PREPL: variants seen among roughly 807,000 people sequenced by gnomAD.
The protein encoded by PREPL is prolyl endopeptidase-like.
Under a neutral mutation model 70.6 loss-of-function variants are expected in PREPL, and 77 were observed. The observed-to-expected ratio is 1.09, with a 90% CI of 0.91 to 1.32. The LOEUF is 1.32. PREPL is among the 40% of genes most tolerant of loss of function. The probability of loss-of-function intolerance (pLI) is 0.00; values close to 1 mark genes in which losing one functional copy is unlikely to be tolerated. For missense variants in PREPL, 1,002 were observed against 778.2 expected (o/e 1.29, Z -3.42); for synonymous variants, 315 against 264.8 (o/e 1.19, Z -1.84).
At chr2:44,348,192 T>C (rs1676030937) in intron 1 of PREPL, among the ~76,000 whole-genome samples, 1 of 152,184 alleles carries the variant, frequency 6.6e-6, no homozygotes, top group African/African-American at 2.4e-5. Flanking sequence ...CCTCATTCCA[T>C]ACAGTTAATT....
chr2:44,352,512 T>A (rs527901697), intron 1 of PREPL, among the ~76,000 whole-genome samples: 9 of 152,176 alleles, frequency 5.9e-5, no homozygotes, highest in Non-Finnish European at 1.2e-4. Context: ...TGAGCCCACC[T>A]CAGCCTCCCA....
In PREPL at chr2:44,339,330, A is replaced by T. The variant is rs762490393; in HGVS notation, c.519T>A (p.Ser173Arg). 4.3e-6 allele frequency: 7 copies of T among 1,614,024 alleles called. No homozygotes were observed. The highest frequency in any genetic ancestry group is 5.9e-6 in the Non-Finnish European group (7 of 1,179,964). ...YFVFLYLTKD[S>R]RFLTINIMNK... is the part of the protein sequence containing the mutation. ...TCATAATATTTATGGTGAGGAAACG[A>T]CTGTCTTTTGTAAGATAAAGGAAAA... The change falls in exon 6 of 14, where the codon AGT becomes AGA. Residue 173 changes from serine (S) to arginine (R), a missense_variant. Coordinates refer to ENST00000409411, the MANE Select transcript of PREPL (RefSeq NM_001171613.2).
In PREPL at chr2:44,320,862, C is replaced by A. The variant is rs923958068; in HGVS notation, c.*494G>T. The A allele has an allele frequency of 8.9e-6, 5 of 559,968 alleles. No individual in the cohort carries two copies. The African/African-American group carries it at 9.4e-5, about 11-fold the overall frequency. 34.7% of individuals were successfully genotyped at this position (559,968 alleles called of 1,614,324 possible). A position where few individuals can be genotyped will look rare whatever the true frequency, so the allele number is the denominator to read the frequency against. On this transcript the variant is annotated 3_prime_UTR_variant, in exon 14 of 14. Transcript: ENST00000409411. ...GGAGCTTATAACTTTATTCAGATAG[C>A]ATCAATCAGGGATGACCAGAACACA...
At chr2:44,357,302 T>G (rs1272520802) in intron 1 of PREPL, among the ~76,000 whole-genome samples, 1 of 152,192 alleles carries the variant, frequency 6.6e-6, no homozygotes, top group Non-Finnish European at 1.5e-5. Flanking sequence ...TTTTTCTACT[T>G]TATTACACCC....
rs562644031 is a variant in PREPL, at chr2:44,343,960, A to G, written c.143-9T>C. On this transcript the variant is annotated splice_polypyrimidine_tract_variant and intron_variant, in intron 3 of 13. Coordinates refer to ENST00000409411, the MANE Select transcript of PREPL (RefSeq NM_001171613.2). ...ATAATTATCATTGTCTGCTGTATAAAGAAAAATACGAAAGTGATAACTTCA... is the reference window on the plus strand; with the variant it reads ...ATAATTATCATTGTCTGCTGTATAAGGAAAAATACGAAAGTGATAACTTCA... The G allele has an allele frequency of 1.2e-6, 2 of 1,610,524 alleles. No homozygotes were observed. The highest frequency in any genetic ancestry group is 2.2e-5 in the South Asian group (2 of 90,368).
At chr2:44,343,137 G>C (rs1023436845) in intron 4 of PREPL, among the ~76,000 whole-genome samples, 1 of 152,194 alleles carries the variant, frequency 6.6e-6, no homozygotes, top group African/African-American at 2.4e-5. Flanking sequence ...CAAAATATAT[G>C]TCTTAGAATT....
intron 5 of PREPL, among the ~76,000 whole-genome samples, chr2:44,340,385 A>T (rs910648396): frequency 6.6e-6 from 1 of 152,134 alleles, no homozygotes; most frequent in African/African-American, 2.4e-5. Context: ...ATACTAACAT[A>T]ATGAGTGGCT....
chr2:44,341,670 T>C (rs1425927837), intron 5 of PREPL, among the ~76,000 whole-genome samples: 2 of 151,774 alleles, frequency 1.3e-5, no homozygotes, highest in Non-Finnish European at 2.9e-5. Context: ...ATTATTTCTA[T>C]CGACAATTAT....
chr2:44,344,490 G>A (rs1304092620), intron 3 of PREPL, 30 bp downstream of exon 3: 10 of 1,431,402 alleles, frequency 7.0e-6, no homozygotes, highest in African/African-American at 5.8e-5. Flanking sequence ...CTGAAAATTA[G>A]AGCACGTAAA....
intron 7 of PREPL, among the ~76,000 whole-genome samples, chr2:44,335,570 A>G (rs1029833807): frequency 1.6e-4 from 24 of 152,238 alleles, no homozygotes; most frequent in Non-Finnish European, 2.9e-4. Flanking sequence ...TGAATTAAAG[A>G]CTTAAATGTA....
intron 10 of PREPL, among the ~76,000 whole-genome samples, chr2:44,324,142 C>A (rs1197790826): frequency 1.3e-5 from 2 of 152,100 alleles, no homozygotes; most frequent in Admixed American, 1.3e-4. Flanking sequence ...TATGGATGAA[C>A]CTCAAGGATA....
In PREPL at chr2:44,321,539, C is replaced by T. The variant is rs138402468; in HGVS notation, c.1828-94G>A. 4.6e-4 allele frequency: 699 copies of T among 1,524,630 alleles called. 3 individuals are homozygous for T. In the African/African-American group the frequency reaches 8.5e-3, roughly 19 times the overall value. The allele number at this position is 1,524,630 out of a possible 1,614,324, so 94.4% of individuals were successfully genotyped here. On this transcript the variant is annotated intron_variant, in intron 13 of 13. Transcript: ENST00000409411. ...CTTTATCTATCCATCTTTACCTAAC[C>T]GTGAAGTCAGCAATTTATGGCAAGA...
At chr2:44,350,777 T>A (rs1676333012) in intron 1 of PREPL, among the ~76,000 whole-genome samples, 1 of 152,218 alleles carries the variant, frequency 6.6e-6, no homozygotes, top group African/African-American at 2.4e-5. Context: ...CATTGCAAAG[T>A]GCAAAAGTTA....
chr2:44,326,538 AT>A (rs1246205826), intron 10 of PREPL, among the ~76,000 whole-genome samples, 173 bp downstream of exon 10: 2 of 149,878 alleles, frequency 1.3e-5, no homozygotes, highest in Non-Finnish European at 3.0e-5. Flanking sequence ...GGGTCTCGCC[AT>A]GTTGCCCAGG....
intron 1 of PREPL, among the ~76,000 whole-genome samples, chr2:44,358,598 T>C (rs1677305505): frequency 6.6e-6 from 1 of 152,090 alleles, no homozygotes; most frequent in African/African-American, 2.4e-5. Flanking sequence ...CAGGACACTT[T>C]TGAGAGGAAA....
At position 44,318,349 on chromosome 2, in the gene PREPL, C is replaced by G; in HGVS notation, c.*3007G>C. 1 of 190,570 alleles carries G rather than the reference C, an allele frequency of 5.2e-6. No individual in the cohort carries two copies. Among genetic ancestry groups the G allele is most frequent in the Non-Finnish European group, 1.1e-5 (1 of 89,240 alleles). The allele number at this position is 190,570 out of a possible 1,614,324, so 11.8% of individuals were successfully genotyped here. On this transcript the variant is annotated 3_prime_UTR_variant, in exon 14 of 14. Transcript: ENST00000409411. ...TCTGGTGATCTGTCTGCCTTGCCTC[C>G]CAAAGTGCTAGGATTACGGGCCTGA...
chr2:44,326,576 C>T lies in PREPL; in HGVS notation c.1479+136G>A, dbSNP rs537875603. 491 of 825,050 alleles carry T rather than the reference C, an allele frequency of 6.0e-4. 3 individuals carry two copies. The highest frequency in any genetic ancestry group is 7.6e-4 in the Non-Finnish European group (390 of 513,712). The allele number at this position is 825,050 out of a possible 1,614,324, so 51.1% of individuals were successfully genotyped here. On this transcript the variant is annotated intron_variant, in intron 10 of 13. Transcript: ENST00000409411. ...TGGTCTCGAGCTCCTGGTAAGCAAT[C>T]TGCCCACCTCAGTTTCCCGAAGTGC...
Position 44,322,856 on chromosome 2 carries a change from T to C in PREPL, c.1630-2A>G. ...CGTTATGTGAATTGAAGGATAATGC[T>C]GAAAGAAAATACATGCACGAAGAGT... On this transcript the variant is annotated splice_acceptor_variant, in intron 11 of 13. Transcript: ENST00000409411. LOFTEE classifies it high-confidence loss of function. The C allele has an allele frequency of 6.2e-7, 1 of 1,613,000 alleles. No individual in the cohort carries two copies. The highest frequency in any genetic ancestry group is 1.1e-5 in the South Asian group (1 of 90,962).
intron 2 of PREPL, among the ~76,000 whole-genome samples, chr2:44,345,126 GAATT>G (rs888956449): frequency 6.6e-6 from 1 of 152,122 alleles, no homozygotes; most frequent in Non-Finnish European, 1.5e-5. Flanking sequence ...GAAATTGAGA[GAATT>G]AATATTACCC....
Sources: gnomAD v4.1 joint callset for allele counts (sites outside exome capture counted in the v4.1 genomes callset) on GRCh38, gnomAD v4.1.1 for gene constraint, MANE v1.5 for transcripts, NCBI Gene and HGNC (gene_info 2026-07-23, HGNC 2026-07-21) for gene names.